ASAH2: variants seen among roughly 807,000 people sequenced by gnomAD.
ASAH2 encodes the protein N-acylsphingosine amidohydrolase 2.
In ASAH2, 58 loss-of-function variants were observed where a neutral mutation model predicts 82.9. The observed-to-expected ratio is 0.70, with a 90% CI of 0.57 to 0.87. The LOEUF is 0.87. ASAH2 is among the 40% of genes least tolerant of loss of function. The pLI, the probability that ASAH2 is intolerant of heterozygous loss-of-function variation, is 0.00. For missense variants in ASAH2, 779 were observed against 834.0 expected (o/e 0.93, Z 0.81); for synonymous variants, 276 against 289.7 (o/e 0.95, Z 0.48).
At chr10:50,233,634 C>A (rs1462262578) in intron 6 of ASAH2, among the ~76,000 whole-genome samples, 1 of 152,088 alleles carries the variant, frequency 6.6e-6, no homozygotes, top group Non-Finnish European at 1.5e-5. Flanking sequence ...AAATCAAAAG[C>A]ATTCAAGACC....
chr10:50,243,700 G>A (rs532799954), intron 3 of ASAH2, among the ~76,000 whole-genome samples: 1 of 152,234 alleles, frequency 6.6e-6, no homozygotes, highest in Admixed American at 6.5e-5. Flanking sequence ...GGCCTTTCTG[G>A]TTTTGGCAAT....
intron 18 of ASAH2, among the ~76,000 whole-genome samples, chr10:50,193,518 G>A (rs1351981556): frequency 6.6e-6 from 1 of 151,162 alleles, no homozygotes; most frequent in African/African-American, 2.4e-5. Flanking sequence ...TGGGCTAACA[G>A]AATTACAGAG....
rs1589356633 is a variant in ASAH2 at position 50,240,570 on chromosome 10, A to C, written c.510+2632T>G. ...CATATCACCCACAGAATTAAAAACA[A>C]GCTGGCATCTCAAGGCCCTCTGCAA... On this transcript the variant is annotated intron_variant, in intron 4 of 20. Coordinates refer to ENST00000682911, the MANE Select transcript of ASAH2 (RefSeq NM_019893.4). 20 of 702,172 alleles carry C rather than the reference A, an allele frequency of 2.8e-5. No individual in the cohort carries two copies. In the East Asian group the frequency reaches 5.4e-4, roughly 19 times the overall value. 43.5% of individuals were successfully genotyped at this position (702,172 alleles called of 1,614,324 possible). A position where few individuals can be genotyped will look rare whatever the true frequency, so the allele number is the denominator to read the frequency against.
intron 7 of ASAH2, among the ~76,000 whole-genome samples, chr10:50,227,172 A>G (rs1171471428): frequency 6.6e-6 from 1 of 152,220 alleles, no homozygotes; most frequent in African/African-American, 2.4e-5. Flanking sequence ...GATATTCATA[A>G]GAGACACCCT....
intron 16 of ASAH2, 138 bp downstream of exon 16, chr10:50,202,691 T>A: frequency 1.4e-6 from 1 of 714,620 alleles, no homozygotes; most frequent in South Asian, 1.6e-5. Flanking sequence ...TGGCTTATCA[T>A]CCTCTTACCT....
In ASAH2 at chr10:50,251,448, C is replaced by T. The variant is rs2133239546; in HGVS notation, c.-90G>A. On this transcript the variant is annotated 5_prime_UTR_variant, in exon 1 of 21. Coordinates refer to ENST00000682911, the MANE Select transcript of ASAH2 (RefSeq NM_019893.4). ...CATCCCAGTGAAGCAAATGGCCATC[C>T]AGAATCCTGTCCCCTTTCCCCTTGC... Among the ~76,000 whole-genome samples the T allele has an allele frequency of 6.6e-6, 1 of 152,260 alleles. No homozygotes were observed. The highest frequency in any genetic ancestry group is 1.5e-5 in the Non-Finnish European group (1 of 68,020).
intron 1 of ASAH2, among the ~76,000 whole-genome samples, chr10:50,250,332 G>A (rs954648679): frequency 2.0e-5 from 3 of 152,146 alleles, no homozygotes; most frequent in East Asian, 1.9e-4. Flanking sequence ...CTGGGAGTGG[G>A]CAAAGAGACT....
At chr10:50,238,447 A>G (rs1273627905) in intron 4 of ASAH2, among the ~76,000 whole-genome samples, 1 of 152,158 alleles carries the variant, frequency 6.6e-6, no homozygotes, top group East Asian at 1.9e-4. Flanking sequence ...AGTATAATAT[A>G]ACAAGACTAA....
At chr10:50,196,079 T>C (rs1300466194) in intron 18 of ASAH2, among the ~76,000 whole-genome samples, 3,673 of 151,866 alleles carry the variant, frequency 0.024, 29 homozygotes, top group African/African-American at 0.082. Context: ...ATATGTGACA[T>C]AATGTATATG....
chr10:50,227,127 T>C (rs1845906500), intron 7 of ASAH2, among the ~76,000 whole-genome samples: 1 of 152,080 alleles, frequency 6.6e-6, no homozygotes, highest in African/African-American at 2.4e-5. Flanking sequence ...AAAACAATGA[T>C]TGTCAGAGTA....
chr10:50,218,371 G>T, intron 8 of ASAH2, 139 bp downstream of exon 8: 4 of 1,227,938 alleles, frequency 3.3e-6, no homozygotes, highest in South Asian at 1.3e-5. Context: ...GATGGTAAAT[G>T]CTGTCTATTC....
intron 7 of ASAH2, among the ~76,000 whole-genome samples, chr10:50,231,201 T>C (rs1846014108): frequency 6.6e-6 from 1 of 152,084 alleles, no homozygotes; most frequent in South Asian, 2.1e-4. Context: ...TGTATGCTGT[T>C]ATCCTGCCCT....
Position 50,211,024 on chromosome 10 carries a change from A to T in ASAH2, c.1332+6T>A, listed in dbSNP as rs1360896773. 1.2e-6 allele frequency: 2 copies of T among 1,612,370 alleles called. No individual in the cohort carries two copies. Among genetic ancestry groups the T allele is most frequent in the African/African-American group, 2.7e-5 (2 of 75,036 alleles). ...GGCATAACCAGTGTGTCTCAGCAGC[A>T]CTTACTGCATGTGTGGAATTGAGCC... On this transcript the variant is annotated splice_donor_region_variant and intron_variant, in intron 11 of 20. Transcript: ENST00000682911.
Position 50,234,472 on chromosome 10 carries a change from G to C in ASAH2, c.768C>G (p.Asn256Lys). ...TTTGAAGGTAAGAATACGGACTTCT[G>C]TTGATCTGCACACCATCCACATTTC... ...NKGNVDGVQI[N>K]RSPYSYLQNP... The change falls in exon 6 of 21, where the codon AAC becomes AAG. Residue 256 changes from asparagine to lysine, a missense_variant. This residue lies in a region of ASAH2 where 759 missense variants were observed against 755.2 expected (regional missense o/e 1.00). Coordinates refer to ENST00000682911, the MANE Select transcript of ASAH2 (RefSeq NM_019893.4). 1 of 1,613,006 alleles carries C rather than the reference G, an allele frequency of 6.2e-7. No homozygotes were observed. The highest frequency in any genetic ancestry group is 8.5e-7 in the Non-Finnish European group (1 of 1,179,304).
At chr10:50,221,262 A>G (rs1438333390) in intron 7 of ASAH2, among the ~76,000 whole-genome samples, 2 of 152,180 alleles carry the variant, frequency 1.3e-5, no homozygotes, top group African/African-American at 2.4e-5. Context: ...TTTTCCAGTT[A>G]CATGGATTTT....
chr10:50,199,294 T>C (rs1236812983), intron 16 of ASAH2, 148 bp from the exon 17 acceptor site: 4 of 787,660 alleles, frequency 5.1e-6, no homozygotes, highest in African/African-American at 1.7e-5. Context: ...CAAAAGAGGA[T>C]GGGCATTTCC....
chr10:50,203,700 T>C (rs1440390840), intron 14 of ASAH2, 21 bp from the exon 15 acceptor site: 7 of 1,611,128 alleles, frequency 4.3e-6, no homozygotes, highest in African/African-American at 4.0e-5. Context: ...AAAAAAATTA[T>C]GTAAACGTTT....
intron 7 of ASAH2, among the ~76,000 whole-genome samples, chr10:50,224,035 G>C (rs1489816782): frequency 6.6e-6 from 1 of 152,160 alleles, no homozygotes; most frequent in African/African-American, 2.4e-5. Context: ...AAGCCACCTA[G>C]TCTTTGATAA....
chr10:50,229,577 G>C (rs1251943030), intron 7 of ASAH2, among the ~76,000 whole-genome samples: 1 of 152,078 alleles, frequency 6.6e-6, no homozygotes, highest in African/African-American at 2.4e-5. Flanking sequence ...ACTTTAATGA[G>C]TTTTCATTCC....
Sources: allele counts gnomAD v4.1 joint callset (sites outside exome capture counted in the v4.1 genomes callset), GRCh38; gene constraint gnomAD v4.1.1; regional missense constraint gnomAD v4.1.1; transcripts MANE v1.5; gene names NCBI Gene and HGNC (gene_info 2026-07-23, HGNC 2026-07-21).